Variants in ZDHHC15 observed in about 807,000 individuals in gnomAD.
ZDHHC15 encodes the protein zDHHC palmitoyltransferase 15.
A neutral mutation model predicts 31.7 loss-of-function variants in ZDHHC15; 19 were observed. The ratio of observed to expected loss-of-function variants is 0.60; its 90% CI spans 0.42 to 0.88. The LOEUF is 0.88. Among genes scored for constraint, ZDHHC15 ranks in the 40% least tolerant of loss-of-function variants. The probability of loss-of-function intolerance (pLI) is 0.00; values close to 1 mark genes in which losing one functional copy is unlikely to be tolerated. For synonymous variants in ZDHHC15, 103 were observed against 90.0 expected (o/e 1.14, Z -0.82); for missense variants, 209 against 251.2 (o/e 0.83, Z 1.14).
intron 4 of ZDHHC15, among the ~76,000 whole-genome samples, chrX:75,442,418 C>T (rs183479861): frequency 5.4e-5 from 6 of 111,620 alleles, no homozygotes; most frequent in African/African-American, 1.9e-4. Flanking sequence ...TGTTTCAGCC[C>T]AAAATCTCCT....
At chrX:75,514,462 T>G (rs958686757) in intron 1 of ZDHHC15, among the ~76,000 whole-genome samples, 10 of 111,664 alleles carry the variant, frequency 9.0e-5, no homozygotes, top group African/African-American at 3.3e-4. Context: ...AGTCTACAGC[T>G]CCCAGCGTGA....
chrX:75,481,753 A>G (rs1460572507), intron 2 of ZDHHC15, among the ~76,000 whole-genome samples: 6 of 111,399 alleles, frequency 5.4e-5, no homozygotes, highest in Non-Finnish European at 9.4e-5. Flanking sequence ...CCAGAATCCA[A>G]GTTTCTTCAG....
At chrX:75,401,173 A>G (rs1030675777) in intron 10 of ZDHHC15, among the ~76,000 whole-genome samples, 24 of 109,692 alleles carry the variant, frequency 2.2e-4, no homozygotes, top group Non-Finnish European at 3.6e-4. Flanking sequence ...TACAAATTGG[A>G]GCACGGACAG....
At chrX:75,431,023 ATG>A (rs1242016372) in intron 5 of ZDHHC15, among the ~76,000 whole-genome samples, 1 of 111,917 alleles carries the variant, frequency 8.9e-6, no homozygotes, top group South Asian at 3.7e-4. Flanking sequence ...GGTATCCTGG[ATG>A]GGATCCTGGA....
chrX:75,504,349 T>C (rs1295558586), intron 2 of ZDHHC15, among the ~76,000 whole-genome samples: 3 of 111,886 alleles, frequency 2.7e-5, no homozygotes, highest in Non-Finnish European at 3.8e-5. Flanking sequence ...TCATATACTG[T>C]ATTGTGTTTT....
At chrX:75,423,637 A>T (rs921096156) in intron 8 of ZDHHC15, among the ~76,000 whole-genome samples, 9 of 101,067 alleles carry the variant, frequency 8.9e-5, no homozygotes, top group Non-Finnish European at 1.6e-4. Context: ...TGCTATTGTG[A>T]ATAGTCACCC....
In ZDHHC15 at chrX:75,516,316, T is replaced by C. The variant is rs183709067; in HGVS notation, c.136+6573A>G. Among the ~76,000 whole-genome samples the C allele has an allele frequency of 7.6e-3, 852 of 112,081 alleles. 10 individuals are homozygous for C. The highest frequency in any genetic ancestry group is 0.027 in the African/African-American group (823 of 30,902). ...CAAAAGAACAAAGCTGGAGGCATCA[T>C]GCTACCTGACTTCAAACTATACTAC... On this transcript the variant is annotated intron_variant, in intron 1 of 11. Transcript: ENST00000373367.
chrX:75,386,484 A>AT (rs888619150), intron 10 of ZDHHC15, among the ~76,000 whole-genome samples: 17 of 110,691 alleles, frequency 1.5e-4, no homozygotes, highest in South Asian at 3.9e-4. Context: ...TTATTGCTAG[A>AT]TTTTTTTTTG....
At chrX:75,386,946 T>C (rs866960363) in intron 10 of ZDHHC15, among the ~76,000 whole-genome samples, 1 of 111,657 alleles carries the variant, frequency 9.0e-6, no homozygotes, top group African/African-American at 3.3e-5. Context: ...GGAGAGAAAC[T>C]GATTTTACCT....
intron 9 of ZDHHC15, among the ~76,000 whole-genome samples, chrX:75,419,164 T>C (rs781636368): frequency 8.0e-4 from 88 of 110,134 alleles, no homozygotes; most frequent in African/African-American, 2.9e-3. Flanking sequence ...GAACAGACAA[T>C]CTACAGAATG....
rs759955080 is a variant in ZDHHC15 at position 75,485,848 on chromosome X, G to A, written c.164-6863C>T. 8.0e-5 allele frequency among the ~76,000 whole-genome samples: 9 copies of A among 112,089 alleles called. No individual in the cohort carries two copies. The South Asian group carries it at 1.1e-3, about 14-fold the overall frequency. Reference sequence around the variant, plus strand: ...TTCTGTATTACTTGCATTTTAAGACGTTCAAGTACTTTCATAATCAAGAAA... The same window carrying A: ...TTCTGTATTACTTGCATTTTAAGACATTCAAGTACTTTCATAATCAAGAAA... On this transcript the variant is annotated intron_variant, in intron 2 of 11. Transcript: ENST00000373367.
At chrX:75,455,967 T>C (rs1454547907) in intron 3 of ZDHHC15, among the ~76,000 whole-genome samples, 7 of 111,120 alleles carry the variant, frequency 6.3e-5, no homozygotes, top group Non-Finnish European at 3.8e-5. Flanking sequence ...GATCTAGAAT[T>C]AGAAATAGCA....
chrX:75,467,270 G>C (rs1198119192), intron 3 of ZDHHC15, among the ~76,000 whole-genome samples: 1 of 111,826 alleles, frequency 8.9e-6, no homozygotes, highest in Non-Finnish European at 1.9e-5. Flanking sequence ...TTTCTGGGAT[G>C]TCCTTGGGAA....
intron 3 of ZDHHC15, among the ~76,000 whole-genome samples, chrX:75,460,272 G>C (rs1167485718): frequency 9.0e-6 from 1 of 111,434 alleles, no homozygotes; most frequent in Non-Finnish European, 1.9e-5. Context: ...TATAGGGACA[G>C]AGCTCTGAAC....
At chrX:75,513,827 C>CA (rs1254852592) in intron 1 of ZDHHC15, among the ~76,000 whole-genome samples, 3 of 106,689 alleles carry the variant, frequency 2.8e-5, no homozygotes, top group Non-Finnish European at 5.8e-5. Flanking sequence ...GTCAAATTGC[C>CA]AAAAAACAAA....
At chrX:75,510,705 T>C (rs1182958038) in intron 1 of ZDHHC15, among the ~76,000 whole-genome samples, 1 of 80,771 alleles carries the variant, frequency 1.2e-5, no homozygotes, top group Non-Finnish European at 2.3e-5. Context: ...TAGGTATATC[T>C]CCCAATGCTA....
At chrX:75,493,268 C>T (rs765502558) in intron 2 of ZDHHC15, among the ~76,000 whole-genome samples, 1 of 111,710 alleles carries the variant, frequency 9.0e-6, no homozygotes, top group African/African-American at 3.2e-5. Context: ...CAATAAGAGG[C>T]TCTGAAATTC....
intron 3 of ZDHHC15, among the ~76,000 whole-genome samples, chrX:75,467,093 T>G (rs1340190394): frequency 8.9e-6 from 1 of 112,457 alleles, no homozygotes; most frequent in African/African-American, 3.2e-5. Flanking sequence ...AAATTGATAT[T>G]ATAAAACAGT....
intron 11 of ZDHHC15, among the ~76,000 whole-genome samples, chrX:75,378,067 G>C (rs899441184): frequency 9.0e-6 from 1 of 111,488 alleles, no homozygotes; most frequent in Non-Finnish European, 1.9e-5. Context: ...AAACAGACTT[G>C]GTTCTCTCCT....
Sources: gnomAD v4.1 joint callset for allele counts (sites outside exome capture counted in the v4.1 genomes callset) on GRCh38, gnomAD v4.1.1 for gene constraint, MANE v1.5 for transcripts, NCBI Gene and HGNC (gene_info 2026-07-23, HGNC 2026-07-21) for gene names.